Variants in CORIN observed in about 807,000 individuals in gnomAD.
CORIN encodes atrial natriuretic peptide-converting enzyme.
CORIN carries 117 observed loss-of-function variants against 125.3 expected under a neutral mutation model. The ratio of observed to expected loss-of-function variants is 0.93; its 90% CI spans 0.80 to 1.09. CORIN has a LOEUF of 1.09. Among genes scored for constraint, CORIN ranks in the 50% least tolerant of loss-of-function variants. The probability of loss-of-function intolerance (pLI) is 0.00; values close to 1 mark genes in which losing one functional copy is unlikely to be tolerated. For synonymous variants in CORIN, 450 were observed against 466.4 expected, an observed-to-expected ratio of 0.96 and a Z score of 0.45; for missense variants, 1,253 against 1,306.7, an observed-to-expected ratio of 0.96 and a Z score of 0.63.
At chr4:47,597,185 C>G (rs886693009) in intron 21 of CORIN, among the ~76,000 whole-genome samples, 29 of 152,070 alleles carry the variant, frequency 1.9e-4, no homozygotes, top group African/African-American at 7.0e-4. Context: ...AACCCTGTCT[C>G]TACTCAAAAT....
At chr4:47,683,581 C>T (rs1156712842) in intron 7 of CORIN, 150 bp downstream of exon 7, 1 of 589,544 alleles carries the variant, frequency 1.7e-6, no homozygotes, top group African/African-American at 1.9e-5. Flanking sequence ...AGGACAGTGA[C>T]TGAACAAACT....
At chr4:47,610,903 G>T (rs1464313535) in intron 19 of CORIN, among the ~76,000 whole-genome samples, 1 of 152,216 alleles carries the variant, frequency 6.6e-6, no homozygotes, top group East Asian at 1.9e-4. Context: ...GATGGTTGTA[G>T]GTGTGTGGCC....
At chr4:47,718,180 C>G in intron 5 of CORIN, among the ~76,000 whole-genome samples, 1 of 152,170 alleles carries the variant, frequency 6.6e-6, no homozygotes, top group Non-Finnish European at 1.5e-5. Flanking sequence ...TATTTTCTTT[C>G]CTCCAATAAA....
intron 5 of CORIN, among the ~76,000 whole-genome samples, chr4:47,709,239 T>C (rs1726722538): frequency 6.6e-6 from 1 of 152,202 alleles, no homozygotes; most frequent in Admixed American, 6.5e-5. Flanking sequence ...AGATAAATCC[T>C]TCAGCCAGGG....
At chr4:47,673,469 GT>G (rs1724864475) in intron 10 of CORIN, among the ~76,000 whole-genome samples, 2 of 151,520 alleles carry the variant, frequency 1.3e-5, no homozygotes, top group South Asian at 4.1e-4. Context: ...GCAGCAAAAA[GT>G]TCATTAGAAA....
At chr4:47,807,870 A>G (rs1361434064) in intron 1 of CORIN, among the ~76,000 whole-genome samples, 1 of 152,232 alleles carries the variant, frequency 6.6e-6, no homozygotes, top group East Asian at 1.9e-4. Context: ...TTGAATAACT[A>G]CAAGAAACTC....
At position 47,645,852 on chromosome 4, in the gene CORIN, C is replaced by T. The variant is rs1331831748; in HGVS notation, c.1844-658G>A. Among the ~76,000 whole-genome samples the T allele has an allele frequency of 2.0e-5, 3 of 152,156 alleles. No homozygotes were observed. In the South Asian group the frequency reaches 6.2e-4, roughly 32 times the overall value. ...AGTAAGCCGAGATTGCACAACTGCACTCCAGCCTGGGTGACAGAACAAGAC... is the reference window on the plus strand; with the variant it reads ...AGTAAGCCGAGATTGCACAACTGCATTCCAGCCTGGGTGACAGAACAAGAC... On this transcript the variant is annotated intron_variant, in intron 13 of 21. Transcript: ENST00000273857.
chr4:47,802,034 T>C (rs1391635112), intron 2 of CORIN, among the ~76,000 whole-genome samples: 1 of 152,186 alleles, frequency 6.6e-6, no homozygotes, highest in Non-Finnish European at 1.5e-5. Flanking sequence ...GGACTTTACA[T>C]TGAACTCAGT....
chr4:47,814,479 T>C (rs1366833162), intron 1 of CORIN, among the ~76,000 whole-genome samples: 1 of 152,170 alleles, frequency 6.6e-6, no homozygotes, highest in African/African-American at 2.4e-5. Context: ...AAATGGACAG[T>C]GCTAGATGCT....
chr4:47,668,721 C>A (rs1724592951), intron 10 of CORIN, among the ~76,000 whole-genome samples: 1 of 152,040 alleles, frequency 6.6e-6, no homozygotes. Flanking sequence ...TAATTTTTCT[C>A]TTTTTTACAT....
At chr4:47,618,134 A>G (rs1358944349) in intron 19 of CORIN, among the ~76,000 whole-genome samples, 1 of 151,808 alleles carries the variant, frequency 6.6e-6, no homozygotes, top group Non-Finnish European at 1.5e-5. Context: ...CAGGAGTTCG[A>G]GACCAGCCTG....
rs540379717 is a variant in CORIN at position 47,613,702 on chromosome 4, G to A, written c.2540+9869C>T. Among the ~76,000 whole-genome samples the A allele has an allele frequency of 2.9e-3, 427 of 149,548 alleles. 3 individuals are homozygous for A. Among genetic ancestry groups the A allele is most frequent in the African/African-American group, 9.6e-3 (389 of 40,678 alleles). ...AAATCATCATTCTCAGTAAACTATCGCAAGAACAAAAAACCAAACACCGCA... is the reference window on the plus strand; with the variant it reads ...AAATCATCATTCTCAGTAAACTATCACAAGAACAAAAAACCAAACACCGCA... On this transcript the variant is annotated intron_variant, in intron 19 of 21. Coordinates refer to ENST00000273857, the MANE Select transcript of CORIN (RefSeq NM_006587.4).
chr4:47,639,035 C>T (rs1723136226), intron 16 of CORIN, among the ~76,000 whole-genome samples: 1 of 152,140 alleles, frequency 6.6e-6, no homozygotes, highest in Non-Finnish European at 1.5e-5. Context: ...TCAGTAGAAT[C>T]CCTGCAACCC....
rs1162535703 is a variant in CORIN, at chr4:47,618,152, T to C, written c.2540+5419A>G. On this transcript the variant is annotated intron_variant, in intron 19 of 21. Transcript: ENST00000273857. ...GAGTTCGAGACCAGCCTGACCAACA[T>C]GGTGAAATCCCGTCTCTACTAAAAA... Among the ~76,000 whole-genome samples the C allele has an allele frequency of 3.3e-5, 5 of 151,498 alleles. No homozygotes were observed. The East Asian group carries it at 9.8e-4, about 30-fold the overall frequency.
chr4:47,678,733 C>G (rs186927151), intron 8 of CORIN, among the ~76,000 whole-genome samples: 6 of 152,284 alleles, frequency 3.9e-5, no homozygotes, highest in African/African-American at 1.2e-4. Context: ...TTTAGAGTAT[C>G]GGAAACCCAT....
At position 47,712,943 on chromosome 4, in the gene CORIN, T is replaced by A. The variant is rs372487945; in HGVS notation, c.800-19860A>T. On this transcript the variant is annotated intron_variant, in intron 5 of 21. Coordinates refer to ENST00000273857, the MANE Select transcript of CORIN (RefSeq NM_006587.4). ...GCATGATTCATTCTGGAGATCACTGTAAGGTTTCCCCGAAAGACAATAGAA... is the reference window on the plus strand; with the variant it reads ...GCATGATTCATTCTGGAGATCACTGAAAGGTTTCCCCGAAAGACAATAGAA... Among the ~76,000 whole-genome samples, 8 of 152,288 alleles carry A rather than the reference T, an allele frequency of 5.3e-5. 1 individual carries two copies. Among genetic ancestry groups the A allele is most frequent in the Admixed American group, 2.6e-4 (4 of 15,294 alleles).
intron 1 of CORIN, among the ~76,000 whole-genome samples, chr4:47,820,239 A>G (rs189433709): frequency 5.3e-4 from 81 of 152,170 alleles, no homozygotes; most frequent in Middle Eastern, 3.4e-3. Context: ...GTTGAGGCTA[A>G]GACATCCTGG....
chr4:47,655,048 A>C (rs1723910220), intron 12 of CORIN, among the ~76,000 whole-genome samples: 1 of 152,078 alleles, frequency 6.6e-6, no homozygotes, highest in Non-Finnish European at 1.5e-5. Context: ...TAGCTTCCAG[A>C]CATTTCTAGA....
At chr4:47,824,703 G>T (rs1406169855) in intron 1 of CORIN, among the ~76,000 whole-genome samples, 1 of 152,140 alleles carries the variant, frequency 6.6e-6, no homozygotes, top group African/African-American at 2.4e-5. Context: ...GAAGAGGGCA[G>T]AATAAAAAGC....
Sources: gnomAD v4.1 joint callset for allele counts (sites outside exome capture counted in the v4.1 genomes callset) on GRCh38, gnomAD v4.1.1 for gene constraint, MANE v1.5 for transcripts, NCBI Gene and HGNC (gene_info 2026-07-23, HGNC 2026-07-21) for gene names.